Variants in ROBO2 observed in about 807,000 individuals in gnomAD.
ROBO2 encodes the protein roundabout guidance receptor 2.
Under a neutral mutation model 160.8 loss-of-function variants are expected in ROBO2, and 53 were observed. The observed-to-expected ratio is 0.33, with a 90% CI of 0.26 to 0.41. ROBO2 has a LOEUF of 0.41. Among genes scored for constraint, ROBO2 ranks in the 10% least tolerant of loss-of-function variants. The pLI is 1.00. For missense variants in ROBO2, 1,577 were observed against 1,722.4 expected, an observed-to-expected ratio of 0.92 and a Z score of 1.49; for synonymous variants, 664 against 611.7, an observed-to-expected ratio of 1.09 and a Z score of -1.26.
At chr3:76,457,025 A>G (rs545924443) in intron 2 of ROBO2, among the ~76,000 whole-genome samples, 1 of 152,268 alleles carries the variant, frequency 6.6e-6, no homozygotes, top group East Asian at 1.9e-4. Flanking sequence ...ATTCAAGATG[A>G]GATTTGGTGG....
intron 2 of ROBO2, among the ~76,000 whole-genome samples, chr3:76,608,390 A>T (rs1287016885): frequency 6.6e-6 from 1 of 152,184 alleles, no homozygotes; most frequent in Non-Finnish European, 1.5e-5. Context: ...GACAAAATTA[A>T]AATAAGGTAT....
intron 2 of ROBO2, among the ~76,000 whole-genome samples, chr3:77,138,868 T>G (rs899434343): frequency 6.6e-6 from 1 of 151,808 alleles, no homozygotes; most frequent in Non-Finnish European, 1.5e-5. Flanking sequence ...GGAGAAAACA[T>G]CCTCATGAAT....
intron 2 of ROBO2, among the ~76,000 whole-genome samples, chr3:76,612,334 C>A (rs1157253637): frequency 6.6e-6 from 1 of 152,130 alleles, no homozygotes; most frequent in Non-Finnish European, 1.5e-5. Context: ...GATAATCTGT[C>A]GAATGCTGAG....
At chr3:76,702,727 T>C (rs971320906) in intron 2 of ROBO2, among the ~76,000 whole-genome samples, 1 of 151,366 alleles carries the variant, frequency 6.6e-6, no homozygotes. Context: ...AAAGAGTCAA[T>C]GGAAGCAATA....
At chr3:77,199,296 A>G (rs796758315) in intron 2 of ROBO2, among the ~76,000 whole-genome samples, 3 of 152,212 alleles carry the variant, frequency 2.0e-5, no homozygotes, top group African/African-American at 7.2e-5. Context: ...TTAAATCATC[A>G]TTGCCTGTTT....
At chr3:76,473,413 T>C (rs1219804578) in intron 2 of ROBO2, among the ~76,000 whole-genome samples, 1 of 152,192 alleles carries the variant, frequency 6.6e-6, no homozygotes, top group African/African-American at 2.4e-5. Flanking sequence ...TTTTTGCTTT[T>C]GACAAGTATG....
chr3:77,368,495 G>A (rs561456568), intron 2 of ROBO2, among the ~76,000 whole-genome samples: 2 of 152,260 alleles, frequency 1.3e-5, no homozygotes, highest in East Asian at 1.9e-4. Context: ...TAGCAACTGT[G>A]TAGAATTTCA....
At chr3:77,520,254 C>T (rs2090458836) in intron 5 of ROBO2, among the ~76,000 whole-genome samples, 1 of 151,202 alleles carries the variant, frequency 6.6e-6, no homozygotes, top group Non-Finnish European at 1.5e-5. Flanking sequence ...TATTTTCTTG[C>T]AGAGAAGAAG....
At chr3:76,565,639 A>G (rs1276476089) in intron 2 of ROBO2, among the ~76,000 whole-genome samples, 3 of 152,202 alleles carry the variant, frequency 2.0e-5, no homozygotes, top group Admixed American at 2.0e-4. Context: ...CAACTATCTC[A>G]TCTCCTGGGC....
chr3:77,268,065 G>A (rs1286878703), intron 2 of ROBO2, among the ~76,000 whole-genome samples: 2 of 152,134 alleles, frequency 1.3e-5, no homozygotes, highest in African/African-American at 4.8e-5. Context: ...CACTGCATTT[G>A]GATGTAGTAG....
chr3:76,183,443 T>G (rs1037496429), intron 2 of ROBO2, among the ~76,000 whole-genome samples: 1 of 152,168 alleles, frequency 6.6e-6, no homozygotes, highest in African/African-American at 2.4e-5. Flanking sequence ...ACTGCCCAAC[T>G]GTCTGTTATA....
intron 2 of ROBO2, among the ~76,000 whole-genome samples, chr3:76,320,506 G>C (rs2072427932): frequency 1.3e-5 from 2 of 152,078 alleles, no homozygotes; most frequent in Admixed American, 1.3e-4. Flanking sequence ...CAAAAACTCT[G>C]TCATGAAAAA....
intron 2 of ROBO2, among the ~76,000 whole-genome samples, chr3:77,218,381 T>C (rs1275229676): frequency 1.3e-5 from 2 of 151,830 alleles, no homozygotes; most frequent in African/African-American, 4.8e-5. Context: ...TTATACTTTT[T>C]TTTTTTTTTT....
intron 2 of ROBO2, among the ~76,000 whole-genome samples, chr3:76,272,385 C>A (rs546212181): frequency 1.3e-5 from 2 of 152,036 alleles, no homozygotes; most frequent in East Asian, 3.9e-4. Flanking sequence ...TATTTCTGGG[C>A]TGGATGTGGT....
At chr3:77,479,150 G>A in intron 3 of ROBO2, among the ~76,000 whole-genome samples, 1 of 152,154 alleles carries the variant, frequency 6.6e-6, no homozygotes, top group East Asian at 1.9e-4. Context: ...AGTTCCTCTG[G>A]CCTCTGGGAG....
In ROBO2 at chr3:77,577,430, G is replaced by A; in HGVS notation, c.2204-60G>A. The A allele has an allele frequency of 1.9e-6, 3 of 1,610,384 alleles. No homozygotes were observed. The South Asian group carries it at 3.3e-5, about 18-fold the overall frequency. ...TTGTCTTTATACTCATATTCTGAAA[G>A]TAGCATGAACGCACACCAAGGCTTA... On this transcript the variant is annotated intron_variant, in intron 14 of 25. Coordinates refer to ENST00000461745, the Ensembl canonical transcript of ROBO2.
intron 13 of ROBO2, among the ~76,000 whole-genome samples, chr3:77,570,722 A>T (rs1019787540): frequency 6.6e-6 from 1 of 151,924 alleles, no homozygotes; most frequent in Non-Finnish European, 1.5e-5. Flanking sequence ...AATATTTTTG[A>T]TTTACTAAAT....
intron 2 of ROBO2, among the ~76,000 whole-genome samples, chr3:76,532,499 CA>C (rs575407093): frequency 5.4e-4 from 82 of 152,262 alleles, no homozygotes; most frequent in African/African-American, 1.9e-3. Context: ...TTAAGTTTTT[CA>C]GTAACATATT....
chr3:76,123,600 T>C (rs1337725728), intron 2 of ROBO2, among the ~76,000 whole-genome samples: 1 of 152,196 alleles, frequency 6.6e-6, no homozygotes, highest in African/African-American at 2.4e-5. Context: ...CCTCTGCTTC[T>C]GGAACCTAAC....
Sources: gnomAD v4.1 joint callset for allele counts (sites outside exome capture counted in the v4.1 genomes callset) on GRCh38, gnomAD v4.1.1 for gene constraint, MANE v1.5 for transcripts, NCBI Gene and HGNC (gene_info 2026-07-23, HGNC 2026-07-21) for gene names.